WDPCP: variants seen among roughly 807,000 people sequenced by gnomAD.
WDPCP encodes WD repeat containing planar cell polarity effector, also known as WD repeat-containing and planar cell polarity effector protein fritz homolog.
Under a neutral mutation model 93.1 loss-of-function variants are expected in WDPCP, and 71 were observed. That is an observed-to-expected ratio of 0.76 (90% CI 0.63 to 0.93). The LOEUF (loss-of-function observed/expected upper bound fraction) is 0.93. Among genes scored for constraint, WDPCP ranks in the 40% least tolerant of loss-of-function variants. WDPCP has a pLI of 0.00. For synonymous variants in WDPCP, 315 were observed against 315.0 expected, an observed-to-expected ratio of 1.00 and a Z score of 0.00; for missense variants, 844 against 887.4, an observed-to-expected ratio of 0.95 and a Z score of 0.62.
Position 63,418,324 on chromosome 2 carries a change from G to A in WDPCP, c.826-13667C>T, listed in dbSNP as rs1575379969. Among the ~76,000 whole-genome samples, 3 of 152,262 alleles carry A rather than the reference G, an allele frequency of 2.0e-5. No individual in the cohort carries two copies. In the South Asian group the frequency reaches 6.2e-4, roughly 32 times the overall value. ...CTAAGAAAAAAGAACGAAATATATG[G>A]TGTGTAATGAAGGGAGAAATGCTAA... On this transcript the variant is annotated intron_variant, in intron 9 of 17. Transcript: ENST00000272321.
At chr2:63,678,759 G>C (rs151125659) in intron 2 of WDPCP, among the ~76,000 whole-genome samples, 1 of 152,388 alleles carries the variant, frequency 6.6e-6, no homozygotes, top group East Asian at 1.9e-4. Flanking sequence ...GTCAGGCAGA[G>C]AAGCACTGGC....
chr2:63,559,449 A>C (rs1240468118), intron 1 of WDPCP, among the ~76,000 whole-genome samples: 1 of 152,240 alleles, frequency 6.6e-6, no homozygotes, highest in Non-Finnish European at 1.5e-5. Flanking sequence ...AAAGAAATAA[A>C]GGGTATTCAA....
At chr2:63,575,676 T>C (rs1396648600) in intron 1 of WDPCP, among the ~76,000 whole-genome samples, 1 of 150,134 alleles carries the variant, frequency 6.7e-6, no homozygotes, top group Admixed American at 6.6e-5. Flanking sequence ...TTATTTACTA[T>C]ACAGTATACT....
intron 3 of WDPCP, among the ~76,000 whole-genome samples, chr2:63,626,262 C>A (rs189030976): frequency 1.3e-5 from 2 of 152,294 alleles, no homozygotes; most frequent in Admixed American, 6.5e-5. Flanking sequence ...CAATATCATT[C>A]AGGACATAGG....
intron 10 of WDPCP, among the ~76,000 whole-genome samples, chr2:63,398,703 A>AT (rs1693934143): frequency 6.6e-6 from 1 of 152,150 alleles, no homozygotes; most frequent in African/African-American, 2.4e-5. Context: ...TATCTTTACA[A>AT]TTTTAAATTG....
intron 15 of WDPCP, among the ~76,000 whole-genome samples, chr2:63,173,877 C>T (rs2104001711): frequency 6.6e-6 from 1 of 152,162 alleles, no homozygotes; most frequent in Admixed American, 6.5e-5. Flanking sequence ...TTTAATGTGG[C>T]CTCTTTACAA....
chr2:63,678,981 G>C (rs565899069), intron 2 of WDPCP, among the ~76,000 whole-genome samples: 6 of 152,328 alleles, frequency 3.9e-5, no homozygotes, highest in African/African-American at 9.6e-5. Flanking sequence ...GGCTACTTCC[G>C]CAGGGTCATT....
chr2:63,614,046 G>A lies in WDPCP; in HGVS notation n.488+36613C>T, dbSNP rs545746692. 1.2e-3 allele frequency among the ~76,000 whole-genome samples: 178 copies of A among 152,200 alleles called. 9 individuals carry two copies. The highest frequency in any genetic ancestry group is 4.1e-4 in the Non-Finnish European group (28 of 68,004). On this transcript the variant is annotated intron_variant and non_coding_transcript_variant, in intron 3 of 4. Transcript: ENST00000467687. ...TTATTTACATAATATAAGAACCTCC[G>A]TTCACAGGGAAGTTCTGACCGTCAC...
At chr2:63,461,052 G>A (rs1250230814) in intron 6 of WDPCP, among the ~76,000 whole-genome samples, 1 of 152,194 alleles carries the variant, frequency 6.6e-6, no homozygotes, top group Admixed American at 6.5e-5. Flanking sequence ...ATCTAAGGTT[G>A]AGAATGTGTT....
intron 14 of WDPCP, among the ~76,000 whole-genome samples, chr2:63,177,346 T>A (rs1197161307): frequency 1.3e-5 from 2 of 152,214 alleles, no homozygotes; most frequent in Non-Finnish European, 2.9e-5. Flanking sequence ...TACTGACATT[T>A]TAACAACATG....
At chr2:63,140,740 C>T (rs1259948078) in intron 17 of WDPCP, among the ~76,000 whole-genome samples, 1 of 152,010 alleles carries the variant, frequency 6.6e-6, no homozygotes, top group Non-Finnish European at 1.5e-5. Context: ...TCAAGGTAAA[C>T]GATTGTATCA....
At chr2:63,819,776 A>C (rs1192857214) in intron 1 of WDPCP, among the ~76,000 whole-genome samples, 1 of 152,166 alleles carries the variant, frequency 6.6e-6, no homozygotes, top group Non-Finnish European at 1.5e-5. Context: ...CAGGCTCTCC[A>C]AGTACAAAGG....
intron 14 of WDPCP, among the ~76,000 whole-genome samples, chr2:63,210,433 TA>T (rs1450768084): frequency 1.3e-5 from 2 of 152,234 alleles, no homozygotes; most frequent in Non-Finnish European, 2.9e-5. Flanking sequence ...AAATTAACTT[TA>T]CACACATTTA....
At chr2:63,142,615 T>C (rs1671157563) in intron 17 of WDPCP, among the ~76,000 whole-genome samples, 1 of 152,156 alleles carries the variant, frequency 6.6e-6, no homozygotes. Context: ...TTGGATGAAA[T>C]GTTCTGTTTA....
At chr2:63,571,470 G>A (rs1707498711) in intron 1 of WDPCP, 1 of 468,202 alleles carries the variant, frequency 2.1e-6, no homozygotes, top group Non-Finnish European at 4.4e-6. Context: ...TTGCAGTGAA[G>A]GTCTGCTGGC....
rs957857915 is a variant in WDPCP at position 63,622,913 on chromosome 2, G to A, written n.488+27746C>T. ...AGGCACGCGGGGGCCGGGCCAGGCCGGGGCTCGGCGCACACCTGCTGCCAG... is the reference window on the plus strand; with the variant it reads ...AGGCACGCGGGGGCCGGGCCAGGCCAGGGCTCGGCGCACACCTGCTGCCAG... On this transcript the variant is annotated intron_variant and non_coding_transcript_variant, in intron 3 of 4. Coordinates refer to the WDPCP transcript ENST00000467687. The A allele has an allele frequency of 4.3e-5, 51 of 1,175,256 alleles. No homozygotes were observed. The Admixed American group carries it at 6.6e-4, about 15-fold the overall frequency. The allele number at this position is 1,175,256 out of a possible 1,614,324, so 72.8% of individuals were successfully genotyped here.
At chr2:63,544,943 T>C (rs1260711707) in intron 1 of WDPCP, among the ~76,000 whole-genome samples, 1 of 152,178 alleles carries the variant, frequency 6.6e-6, no homozygotes, top group East Asian at 1.9e-4. Flanking sequence ...TAATCAGGCA[T>C]AAGTGATAAA....
intron 3 of WDPCP, among the ~76,000 whole-genome samples, chr2:63,615,078 A>G (rs1278947681): frequency 6.6e-6 from 1 of 152,206 alleles, no homozygotes; most frequent in African/African-American, 2.4e-5. Context: ...CAGGGCAAAG[A>G]GTTCTCGGCA....
rs556252326 is a variant in WDPCP, at chr2:63,437,751, A to AT, written c.500-198dup. On this transcript the variant is annotated intron_variant, in intron 7 of 17. Coordinates refer to ENST00000272321, the MANE Select transcript of WDPCP (RefSeq NM_015910.7). ...ATAATTGTCAATCTAATCATATGTG[A>AT]TTTTTTTTCCTGTGACTATTTCAAT... 3.3e-3 allele frequency: 3,977 copies of AT among 1,206,400 alleles called. 19 individuals carry two copies. Among genetic ancestry groups the AT allele is most frequent in the South Asian group, 3.0e-3 (180 of 59,886 alleles). The allele number at this position is 1,206,400 out of a possible 1,614,324, so 74.7% of individuals were successfully genotyped here.
Sources: gnomAD v4.1 joint callset for allele counts (sites outside exome capture counted in the v4.1 genomes callset) on GRCh38, gnomAD v4.1.1 for gene constraint, MANE v1.5 for transcripts, NCBI Gene and HGNC (gene_info 2026-07-23, HGNC 2026-07-21) for gene names.